Variants in SPOCK3 observed in about 807,000 individuals in gnomAD.
SPOCK3 encodes testican-3.
SPOCK3 carries 30 observed loss-of-function variants against 56.6 expected under a neutral mutation model. The ratio of observed to expected loss-of-function variants is 0.53; its 90% confidence interval spans 0.40 to 0.72. The LOEUF is 0.72. Ranked by LOEUF, SPOCK3 falls within the 30% of genes least tolerant of loss-of-function variation. SPOCK3 has a pLI of 0.00. For synonymous variants in SPOCK3, 196 were observed against 183.3 expected, an observed-to-expected ratio of 1.07 and a Z score of -0.56; for missense variants, 527 against 530.0, an observed-to-expected ratio of 0.99 and a Z score of 0.06.
chr4:166,967,074 A>G (rs1561065708), intron 4 of SPOCK3, among the ~76,000 whole-genome samples: 1 of 152,134 alleles, frequency 6.6e-6, no homozygotes, highest in Non-Finnish European at 1.5e-5. Context: ...AGATGTGAGA[A>G]CTACCCCATG....
At chr4:167,079,926 A>G (rs1464394835) in intron 2 of SPOCK3, among the ~76,000 whole-genome samples, 1 of 152,016 alleles carries the variant, frequency 6.6e-6, no homozygotes, top group African/African-American at 2.4e-5. Context: ...GTGGGAGGCC[A>G]TATGTGCTAT....
chr4:167,192,510 T>G (rs1355156419), intron 2 of SPOCK3, among the ~76,000 whole-genome samples: 4 of 145,828 alleles, frequency 2.7e-5, no homozygotes, highest in African/African-American at 1.0e-4. Context: ...TAATTCGTTG[T>G]TGGTAGGTTG....
At chr4:166,963,269 C>CA (rs1227771563) in intron 4 of SPOCK3, among the ~76,000 whole-genome samples, 1 of 151,782 alleles carries the variant, frequency 6.6e-6, no homozygotes, top group Non-Finnish European at 1.5e-5. Context: ...TGACAGGTAG[C>CA]AAAAAATCCA....
At chr4:166,912,270 AAAT>A (rs1392016611) in intron 5 of SPOCK3, among the ~76,000 whole-genome samples, 2 of 152,186 alleles carry the variant, frequency 1.3e-5, no homozygotes, top group East Asian at 1.9e-4. Flanking sequence ...TGAGATTAAA[AAAT>A]AATTCTAATG....
At chr4:167,171,386 C>T (rs1268209845) in intron 2 of SPOCK3, among the ~76,000 whole-genome samples, 2 of 152,150 alleles carry the variant, frequency 1.3e-5, no homozygotes, top group African/African-American at 4.8e-5. Context: ...AGCAGGTTAG[C>T]TTCCAAGAGT....
intron 4 of SPOCK3, among the ~76,000 whole-genome samples, chr4:166,918,747 A>G (rs111432672): frequency 0.024 from 3,665 of 152,250 alleles, 69 homozygotes; most frequent in Non-Finnish European, 0.037. Flanking sequence ...TACAGTTTGC[A>G]TGTTTTTTCC....
At chr4:167,041,429 C>G (rs1308362303) in intron 3 of SPOCK3, among the ~76,000 whole-genome samples, 1 of 152,120 alleles carries the variant, frequency 6.6e-6, no homozygotes, top group Non-Finnish European at 1.5e-5. Context: ...AACCACAAAA[C>G]TAGTATCTAG....
At chr4:167,145,607 C>T (rs1159793427) in intron 2 of SPOCK3, among the ~76,000 whole-genome samples, 2 of 152,054 alleles carry the variant, frequency 1.3e-5, no homozygotes, top group Middle Eastern at 3.4e-3. Flanking sequence ...CAGAAGCCAA[C>T]TGAAGAGGGT....
At chr4:166,928,992 A>AC (rs1452470052) in intron 4 of SPOCK3, among the ~76,000 whole-genome samples, 1 of 151,722 alleles carries the variant, frequency 6.6e-6, no homozygotes, top group African/African-American at 2.4e-5. Context: ...AACAACAACA[A>AC]AAACTATGGA....
At chr4:167,144,620 G>C (rs1763787850) in intron 2 of SPOCK3, among the ~76,000 whole-genome samples, 1 of 150,828 alleles carries the variant, frequency 6.6e-6, no homozygotes, top group Non-Finnish European at 1.5e-5. Flanking sequence ...GGAGAAGGGA[G>C]AAAGTAGGAA....
At chr4:167,032,190 GA>G (rs1173782181) in intron 3 of SPOCK3, among the ~76,000 whole-genome samples, 1 of 151,922 alleles carries the variant, frequency 6.6e-6, no homozygotes, top group Non-Finnish European at 1.5e-5. Context: ...GTTTTTGAGA[GA>G]GGGGTAGTAT....
chr4:166,852,734 T>C (rs1344910944), intron 6 of SPOCK3, among the ~76,000 whole-genome samples: 1 of 152,174 alleles, frequency 6.6e-6, no homozygotes, highest in Admixed American at 6.5e-5. Context: ...AAACCTCCCC[T>C]TTCCAAATCT....
intron 7 of SPOCK3, among the ~76,000 whole-genome samples, chr4:166,780,177 A>C (rs2126611130): frequency 6.6e-6 from 1 of 152,266 alleles, no homozygotes; most frequent in African/African-American, 2.4e-5. Context: ...AGTAACCCAG[A>C]ATCTAAAAAA....
chr4:166,889,456 A>G (rs1295355687), intron 5 of SPOCK3, among the ~76,000 whole-genome samples: 1 of 151,960 alleles, frequency 6.6e-6, no homozygotes, highest in Non-Finnish European at 1.5e-5. Context: ...TGCTTTGGGT[A>G]TCATTTTGGT....
intron 6 of SPOCK3, among the ~76,000 whole-genome samples, chr4:166,822,106 G>A (rs551119339): frequency 2.0e-5 from 3 of 151,224 alleles, no homozygotes; most frequent in South Asian, 4.3e-4. Context: ...TAATATTGAG[G>A]TTTGATTTTG....
chr4:167,061,681 C>G (rs2150245523), intron 3 of SPOCK3, among the ~76,000 whole-genome samples: 1 of 152,056 alleles, frequency 6.6e-6, no homozygotes, highest in East Asian at 1.9e-4. Context: ...ACTAAACACT[C>G]TTACAAAAAC....
chr4:166,917,297 T>C (rs1308579221), intron 4 of SPOCK3, among the ~76,000 whole-genome samples: 1 of 152,126 alleles, frequency 6.6e-6, no homozygotes, highest in Non-Finnish European at 1.5e-5. Context: ...CTTAAGGTCC[T>C]AAATATGCAA....
intron 2 of SPOCK3, among the ~76,000 whole-genome samples, chr4:167,201,399 G>T (rs1158512007): frequency 6.6e-6 from 1 of 151,920 alleles, no homozygotes. Context: ...CAAAATATAT[G>T]AGAATTGGGA....
intron 6 of SPOCK3, among the ~76,000 whole-genome samples, chr4:166,831,870 C>T (rs1022246993): frequency 6.6e-6 from 1 of 151,014 alleles, no homozygotes; most frequent in Admixed American, 6.6e-5. Context: ...AAGGGAAAAG[C>T]TTTGACTGCT....
Sources: gnomAD v4.1 joint callset for allele counts (sites outside exome capture counted in the v4.1 genomes callset) on GRCh38, gnomAD v4.1.1 for gene constraint, MANE v1.5 for transcripts, NCBI Gene and HGNC (gene_info 2026-07-23, HGNC 2026-07-21) for gene names.